The following ACOXL variants were observed in gnomAD, a reference collection of about 807,000 sequenced individuals.
ACOXL encodes the protein acyl-coenzyme A oxidase-like protein.
Under a neutral mutation model 71.9 loss-of-function variants are expected in ACOXL, and 70 were observed. The ratio of observed to expected loss-of-function variants is 0.97; its 90% CI spans 0.80 to 1.19. The LOEUF is 1.19. Ranked by LOEUF, ACOXL falls within the 50% of genes most tolerant of loss-of-function variation. ACOXL has a pLI of 0.00. For synonymous variants in ACOXL, 253 were observed against 281.6 expected, an observed-to-expected ratio of 0.90 and a Z score of 1.02; for missense variants, 703 against 736.3, an observed-to-expected ratio of 0.95 and a Z score of 0.52.
At position 110,908,813 on chromosome 2, in the gene ACOXL, C is replaced by T. The variant is rs1558711078; in HGVS notation, c.813C>T (p.Thr271=). ...SHSRRQFGPK[T]KEEVKIIEHQ... is the part of the protein sequence containing the mutation. Reference sequence around the variant, plus strand: ...GCCGGAGGCAGTTTGGGCCCAAAACCAAGGAAGAGGTGAAGATCATTGAGC... The same window carrying T: ...GCCGGAGGCAGTTTGGGCCCAAAACTAAGGAAGAGGTGAAGATCATTGAGC... Residue 271 remains threonine (T), a synonymous_variant, in exon 11 of 18, where the codon ACC becomes ACT. Coordinates refer to ENST00000439055, the MANE Select transcript of ACOXL (RefSeq NM_001142807.4). 2.5e-6 allele frequency: 4 copies of T among 1,613,902 alleles called. No homozygotes were observed. Among genetic ancestry groups the T allele is most frequent in the Non-Finnish European group, 2.5e-6 (3 of 1,179,962 alleles).
intron 1 of ACOXL, among the ~76,000 whole-genome samples, chr2:110,734,780 C>A (rs751482233): frequency 6.6e-6 from 1 of 152,052 alleles, no homozygotes; most frequent in Non-Finnish European, 1.5e-5. Flanking sequence ...GCAGAAGGGA[C>A]TTCCTTGTGA....
intron 9 of ACOXL, among the ~76,000 whole-genome samples, chr2:110,814,058 G>A (rs1003256335): frequency 3.5e-4 from 53 of 152,156 alleles, no homozygotes; most frequent in Admixed American, 2.8e-3. Context: ...GCTCACTGGC[G>A]TTCCTGGAAC....
intron 12 of ACOXL, among the ~76,000 whole-genome samples, chr2:110,934,214 A>G (rs1361870784): frequency 6.6e-6 from 1 of 152,238 alleles, no homozygotes; most frequent in African/African-American, 2.4e-5. Flanking sequence ...AGGACTCTGC[A>G]GGTCTCCACA....
At chr2:111,048,907 G>A (rs2066150465) in intron 15 of ACOXL, among the ~76,000 whole-genome samples, 1 of 152,150 alleles carries the variant, frequency 6.6e-6, no homozygotes, top group Non-Finnish European at 1.5e-5. Flanking sequence ...TGGAGATAGA[G>A]TGTCATCTCT....
intron 10 of ACOXL, among the ~76,000 whole-genome samples, chr2:110,869,017 G>T (rs2149028962): frequency 1.3e-5 from 2 of 152,314 alleles, no homozygotes; most frequent in Middle Eastern, 6.8e-3. Context: ...TTTCTTGGGT[G>T]GTTGCCATGG....
intron 14 of ACOXL, among the ~76,000 whole-genome samples, chr2:111,008,561 A>G (rs1199724912): frequency 6.6e-6 from 1 of 152,208 alleles, no homozygotes; most frequent in Non-Finnish European, 1.5e-5. Context: ...TTTGGTCATT[A>G]CAAACAACGT....
chr2:110,800,235 A>C (rs1685807187), intron 7 of ACOXL, among the ~76,000 whole-genome samples: 1 of 152,186 alleles, frequency 6.6e-6, no homozygotes, highest in Non-Finnish European at 1.5e-5. Context: ...AGTCAGCAAG[A>C]CCACGAATCC....
chr2:110,847,244 G>A (rs1299701762), intron 10 of ACOXL, among the ~76,000 whole-genome samples: 2 of 152,120 alleles, frequency 1.3e-5, no homozygotes, highest in African/African-American at 4.8e-5. Context: ...CCTGCCTGAC[G>A]CAGTGCAGCA....
At chr2:110,789,991 G>A (rs1234219179) in intron 3 of ACOXL, among the ~76,000 whole-genome samples, 3 of 152,210 alleles carry the variant, frequency 2.0e-5, no homozygotes, top group Non-Finnish European at 4.4e-5. Context: ...GCTACCTCTA[G>A]GACTTCCCAG....
intron 10 of ACOXL, among the ~76,000 whole-genome samples, chr2:110,891,356 G>T (rs1250880738): frequency 6.6e-6 from 1 of 151,744 alleles, no homozygotes. Flanking sequence ...ATCTCTTATG[G>T]TTGCTATTTA....
chr2:110,933,496 G>A lies in ACOXL; in HGVS notation c.913G>A (p.Gly305Arg). 6.2e-7 allele frequency: 1 copy of A among 1,613,872 alleles called. No homozygotes were observed. The highest frequency in any genetic ancestry group is 8.5e-7 in the Non-Finnish European group (1 of 1,179,830). ...LALTFVSRYA[G>R]ALLDEDVFQG... is the part of the protein sequence containing the mutation. ...GTCTGCTTTGTCCTGCAGGTATGCT[G>A]GGGCCCTCCTGGATGAGGATGTCTT... Residue 305 changes from glycine to arginine, a missense_variant, in exon 12 of 18, where the codon GGG becomes AGG. Physicochemically the swap from Gly to Arg is moderately radical, Grantham distance 125. Coordinates refer to ENST00000439055, the MANE Select transcript of ACOXL (RefSeq NM_001142807.4).
intron 17 of ACOXL, chr2:111,114,047 TA>T (rs2070168134): frequency 6.5e-6 from 1 of 152,684 alleles, no homozygotes; most frequent in Admixed American, 6.5e-5. Context: ...TTAGTCAGGT[TA>T]AAAATTTCTA....
chr2:111,055,290 G>A (rs775160296), intron 16 of ACOXL, among the ~76,000 whole-genome samples: 4 of 152,206 alleles, frequency 2.6e-5, no homozygotes, highest in Admixed American at 6.5e-5. Context: ...CCTCACAGGC[G>A]GCTAGCAGCA....
At chr2:111,050,867 C>A (rs2066256648) in intron 16 of ACOXL, among the ~76,000 whole-genome samples, 2 of 152,288 alleles carry the variant, frequency 1.3e-5, no homozygotes, top group East Asian at 3.9e-4. Context: ...TAACCAAAGG[C>A]CCCTCCTCCT....
chr2:110,853,239 G>T (rs10183338), intron 10 of ACOXL, among the ~76,000 whole-genome samples: 45,060 of 152,076 alleles, frequency 0.3, 6,873 homozygotes, highest in South Asian at 0.5. Flanking sequence ...CTACTGACTG[G>T]CAGCTACGGT....
chr2:110,837,905 G>A (rs988126216), intron 9 of ACOXL, among the ~76,000 whole-genome samples: 4 of 152,188 alleles, frequency 2.6e-5, no homozygotes, highest in African/African-American at 7.2e-5. Flanking sequence ...TCTGACCTCC[G>A]TGTCCCAGGA....
intron 11 of ACOXL, 22 bp downstream of exon 11, chr2:110,908,927 G>T: frequency 6.3e-7 from 1 of 1,588,104 alleles, no homozygotes; most frequent in Non-Finnish European, 8.6e-7. Context: ...CTCAGGGTTT[G>T]CTCTCTTAGG....
intron 1 of ACOXL, among the ~76,000 whole-genome samples, chr2:110,748,828 T>C (rs1678565632): frequency 6.6e-6 from 1 of 152,334 alleles, no homozygotes; most frequent in South Asian, 2.1e-4. Context: ...GTGTGACTGC[T>C]TGGCCGTGGT....
intron 3 of ACOXL, among the ~76,000 whole-genome samples, chr2:110,789,253 A>G (rs947207223): frequency 6.6e-6 from 1 of 152,226 alleles, no homozygotes; most frequent in East Asian, 1.9e-4. Context: ...AGCCAGCCCA[A>G]GTTTCCTGCC....
Sources: allele counts gnomAD v4.1 joint callset (sites outside exome capture counted in the v4.1 genomes callset), GRCh38; gene constraint gnomAD v4.1.1; transcripts MANE v1.5; gene names NCBI Gene and HGNC (gene_info 2026-07-23, HGNC 2026-07-21).